The following CADM2 variants were observed in gnomAD, a reference collection of about 807,000 sequenced individuals.
The protein encoded by CADM2 is cell adhesion molecule 2, also known as immunoglobulin superfamily member 4D.
CADM2 carries 12 observed loss-of-function variants against 49.8 expected under a neutral mutation model. The ratio of observed to expected loss-of-function variants is 0.24; its 90% CI spans 0.15 to 0.39. The LOEUF (loss-of-function observed/expected upper bound fraction) is 0.39, where lower values mean the gene tolerates loss of function less well. Ranked by LOEUF, CADM2 falls within the 10% of genes least tolerant of loss-of-function variation. The probability of loss-of-function intolerance (pLI) is 1.00; values close to 1 mark genes in which losing one functional copy is unlikely to be tolerated. For missense variants in CADM2, 378 were observed against 492.3 expected, an observed-to-expected ratio of 0.77 and a Z score of 2.20; for synonymous variants, 214 against 175.4, an observed-to-expected ratio of 1.22 and a Z score of -1.74.
chr3:85,720,809 T>C (rs2067475893), intron 1 of CADM2, among the ~76,000 whole-genome samples: 1 of 152,202 alleles, frequency 6.6e-6, no homozygotes, highest in Non-Finnish European at 1.5e-5. Context: ...TAGGCAGTTA[T>C]CTAGCCCTCT....
chr3:85,297,620 T>C (rs1377541762), intron 1 of CADM2, among the ~76,000 whole-genome samples: 1 of 151,948 alleles, frequency 6.6e-6, no homozygotes, highest in East Asian at 1.9e-4. Flanking sequence ...GGCCTTGTCC[T>C]CACTTTATTT....
At chr3:85,840,871 G>A (rs1213434300) in intron 3 of CADM2, among the ~76,000 whole-genome samples, 1 of 151,386 alleles carries the variant, frequency 6.6e-6, no homozygotes, top group African/African-American at 2.4e-5. Flanking sequence ...TTGTAAACTG[G>A]GCATATGTAG....
chr3:85,340,091 T>C (rs2045199110), intron 1 of CADM2, among the ~76,000 whole-genome samples: 1 of 151,432 alleles, frequency 6.6e-6, no homozygotes, highest in Non-Finnish European at 1.5e-5. Flanking sequence ...GTGAATATTT[T>C]TCTACCAAAG....
At chr3:85,842,614 A>C (rs2074689219) in intron 3 of CADM2, among the ~76,000 whole-genome samples, 1 of 152,094 alleles carries the variant, frequency 6.6e-6, no homozygotes, top group South Asian at 2.1e-4. Flanking sequence ...CTTCTTGGCA[A>C]GGTTAGGAAG....
chr3:85,260,949 G>A (rs190491035), intron 1 of CADM2, among the ~76,000 whole-genome samples: 9 of 152,172 alleles, frequency 5.9e-5, no homozygotes, highest in East Asian at 1.9e-4. Flanking sequence ...ACAATTAGCC[G>A]TGACTCCTGC....
At chr3:85,386,066 A>G (rs1402922714) in intron 1 of CADM2, among the ~76,000 whole-genome samples, 3 of 152,284 alleles carry the variant, frequency 2.0e-5, no homozygotes, top group East Asian at 3.9e-4. Context: ...TGTTTGAAGG[A>G]ATCTCGGCTT....
chr3:85,026,463 C>T (rs116323661), intron 1 of CADM2, among the ~76,000 whole-genome samples: 1,534 of 152,204 alleles, frequency 0.01, 37 homozygotes, highest in African/African-American at 0.035. Flanking sequence ...AAGCAAGTTT[C>T]CAATTATTTT....
Position 85,510,275 on chromosome 3 carries a change from A to T in CADM2, c.62-216247A>T, listed in dbSNP as rs575912967. Reference sequence around the variant, plus strand: ...TTTGAGATAAATACAAAAGAAACAAAGGAAGCTACCTGTACATCTACCATT... The same window carrying T: ...TTTGAGATAAATACAAAAGAAACAATGGAAGCTACCTGTACATCTACCATT... On this transcript the variant is annotated intron_variant, in intron 1 of 9. Transcript: ENST00000383699. Among the ~76,000 whole-genome samples the T allele has an allele frequency of 2.6e-5, 4 of 152,142 alleles. No individual in the cohort carries two copies. The South Asian group carries it at 8.3e-4, about 32-fold the overall frequency.
At chr3:85,777,753 C>G (rs2070430614) in intron 2 of CADM2, among the ~76,000 whole-genome samples, 1 of 152,150 alleles carries the variant, frequency 6.6e-6, no homozygotes, top group South Asian at 2.1e-4. Context: ...TAAGTACTTT[C>G]TCTCAAATTG....
chr3:85,474,406 C>T (rs914202352), intron 1 of CADM2, among the ~76,000 whole-genome samples: 2 of 151,826 alleles, frequency 1.3e-5, no homozygotes, highest in Non-Finnish European at 2.9e-5. Flanking sequence ...GGCCTACCCA[C>T]GTCATATTCA....
At chr3:85,468,651 A>G (rs1005141282) in intron 1 of CADM2, among the ~76,000 whole-genome samples, 1 of 152,194 alleles carries the variant, frequency 6.6e-6, no homozygotes, top group Non-Finnish European at 1.5e-5. Flanking sequence ...TATAGTATAA[A>G]TTTGGTTTCA....
At chr3:85,979,423 A>T in intron 8 of CADM2, 1 of 915,174 alleles carries the variant, frequency 1.1e-6, no homozygotes, top group Non-Finnish European at 1.6e-6. Flanking sequence ...GCTATCAATT[A>T]GGGTTATTGG....
chr3:84,980,181 A>G (rs2032085798), intron 1 of CADM2, among the ~76,000 whole-genome samples: 1 of 152,198 alleles, frequency 6.6e-6, no homozygotes, highest in Non-Finnish European at 1.5e-5. Context: ...TAATTCACCG[A>G]CAGCCCCAGA....
chr3:85,965,636 C>A (rs1389215045), intron 8 of CADM2, among the ~76,000 whole-genome samples: 1 of 151,572 alleles, frequency 6.6e-6, no homozygotes, highest in Non-Finnish European at 1.5e-5. Context: ...AATGTTAACA[C>A]ATTGACCATG....
At chr3:85,044,623 T>G (rs777079656) in intron 1 of CADM2, among the ~76,000 whole-genome samples, 2 of 152,166 alleles carry the variant, frequency 1.3e-5, no homozygotes, top group Non-Finnish European at 2.9e-5. Context: ...GCTAAGATAT[T>G]GTACAATGTT....
intron 1 of CADM2, among the ~76,000 whole-genome samples, chr3:85,223,703 A>T (rs2042089033): frequency 6.6e-6 from 1 of 152,062 alleles, no homozygotes; most frequent in Non-Finnish European, 1.5e-5. Context: ...TGCTACACCC[A>T]TCAACTCGTC....
chr3:85,421,493 C>G (rs1229113509), intron 1 of CADM2, among the ~76,000 whole-genome samples: 3 of 152,130 alleles, frequency 2.0e-5, no homozygotes, highest in Non-Finnish European at 2.9e-5. Context: ...AACATTCACT[C>G]TCTTATGCTC....
chr3:85,775,008 G>GCA (rs139997156), intron 2 of CADM2, among the ~76,000 whole-genome samples: 3 of 151,358 alleles, frequency 2.0e-5, no homozygotes, highest in African/African-American at 4.8e-5. Context: ...ACTTACATAT[G>GCA]CACACACACA....
chr3:85,403,770 C>A (rs554570487), intron 1 of CADM2, among the ~76,000 whole-genome samples: 2 of 152,274 alleles, frequency 1.3e-5, no homozygotes, highest in South Asian at 4.1e-4. Context: ...CAAAGTATTT[C>A]TCTCATAAGT....
Sources: gnomAD v4.1 joint callset for allele counts (sites outside exome capture counted in the v4.1 genomes callset) on GRCh38, gnomAD v4.1.1 for gene constraint, MANE v1.5 for transcripts, NCBI Gene and HGNC (gene_info 2026-07-23, HGNC 2026-07-21) for gene names.